Variants in MED15 observed in about 807,000 individuals in gnomAD.
The protein encoded by MED15 is mediator complex subunit 15.
MED15 carries 41 observed loss-of-function variants against 118.7 expected under a neutral mutation model. The ratio of observed to expected loss-of-function variants is 0.35; its 90% CI spans 0.27 to 0.45. The LOEUF (loss-of-function observed/expected upper bound fraction) is 0.45. MED15 is among the 20% of genes least tolerant of loss of function. The pLI is 1.00. For synonymous variants in MED15, 436 were observed against 413.9 expected (o/e 1.05, Z -0.65); for missense variants, 740 against 1,025.5 (o/e 0.72, Z 3.80).
At chr22:20,582,540 G>C (rs576759044) in intron 9 of MED15, 71 bp from the exon 10 acceptor site, 2 of 1,533,350 alleles carry the variant, frequency 1.3e-6, no homozygotes, top group Non-Finnish European at 1.7e-6. Flanking sequence ...CTATGCGTGC[G>C]GTGGGCAGGT....
chr22:20,512,812 G>C (rs566868034), intron 1 of MED15, among the ~76,000 whole-genome samples: 1 of 149,142 alleles, frequency 6.7e-6, no homozygotes, highest in East Asian at 2.0e-4. Flanking sequence ...GTGTGATCTC[G>C]GTTCCTTCAA....
At chr22:20,542,426 G>A (rs2055349274) in intron 2 of MED15, among the ~76,000 whole-genome samples, 1 of 152,180 alleles carries the variant, frequency 6.6e-6, no homozygotes, top group Non-Finnish European at 1.5e-5. Context: ...GCTACAACAT[G>A]GATGAAGCTA....
At chr22:20,571,813 G>A (rs969572628) in intron 8 of MED15, among the ~76,000 whole-genome samples, 13 of 152,226 alleles carry the variant, frequency 8.5e-5, no homozygotes, top group African/African-American at 3.1e-4. Flanking sequence ...TTAAAAGTAT[G>A]TGTGGTAACT....
chr22:20,569,727 A>C (rs965310221), intron 8 of MED15, among the ~76,000 whole-genome samples: 1 of 152,180 alleles, frequency 6.6e-6, no homozygotes, highest in East Asian at 1.9e-4. Flanking sequence ...TCCCCATGTC[A>C]CATTCTTACT....
intron 1 of MED15, among the ~76,000 whole-genome samples, chr22:20,531,210 T>C (rs2146416345): frequency 6.6e-6 from 1 of 152,306 alleles, no homozygotes; most frequent in Middle Eastern, 3.4e-3. Context: ...TTTTTTGCTT[T>C]ATCTTAGTCT....
chr22:20,584,896 G>A lies in MED15; in HGVS notation c.1845G>A (p.Gln615=), dbSNP rs2057088942. Reference sequence around the variant, plus strand: ...CCCCGGTGCCACCGACCAAACAGCAGTACCTATGCCAGCCGCTCCTGGATG... The same window carrying A: ...CCCCGGTGCCACCGACCAAACAGCAATACCTATGCCAGCCGCTCCTGGATG... ...PPPPVPPTKQ[Q]YLCQPLLDAV... Residue 615 remains glutamine, a synonymous_variant, in exon 15 of 18, where the codon CAG becomes CAA. Transcript: ENST00000263205. 6.2e-7 allele frequency: 1 copy of A among 1,613,706 alleles called. No individual in the cohort carries two copies.
At chr22:20,570,738 CTTTCTTTCTTTTTTTTTTTTT>C (rs2056623721) in intron 8 of MED15, among the ~76,000 whole-genome samples, 2 of 90,988 alleles carry the variant, frequency 2.2e-5, no homozygotes, top group Non-Finnish European at 4.2e-5. Flanking sequence ...TTCTTTCTTT[CTTTCTTTCTTTTTTTTTTTTT>C]TTTTTTTTTT....
chr22:20,521,182 T>C (rs560348426), intron 1 of MED15, among the ~76,000 whole-genome samples: 73 of 140,424 alleles, frequency 5.2e-4, no homozygotes, highest in African/African-American at 1.7e-3. Flanking sequence ...CTGCAACCTC[T>C]GCCTCCTAGG....
At chr22:20,582,373 G>A in intron 9 of MED15, 1 of 609,498 alleles carries the variant, frequency 1.6e-6, no homozygotes, top group Non-Finnish European at 2.8e-6. Flanking sequence ...GTGGGTCCCT[G>A]GCCAAGGAGC....
At chr22:20,556,301 A>C (rs1418516663) in intron 5 of MED15, among the ~76,000 whole-genome samples, 2 of 131,974 alleles carry the variant, frequency 1.5e-5, no homozygotes, top group Admixed American at 1.5e-4. Context: ...GGACTTCATC[A>C]GTTTTTTTTT....
At chr22:20,568,420 C>A (rs2056520678) in intron 7 of MED15, 101 bp from the exon 8 acceptor site, 1 of 1,497,836 alleles carries the variant, frequency 6.7e-7, no homozygotes, top group Non-Finnish European at 9.0e-7. Flanking sequence ...TCCCATTCCT[C>A]ACCTCAAGAA....
intron 5 of MED15, among the ~76,000 whole-genome samples, chr22:20,557,535 G>T (rs1423376441): frequency 6.6e-6 from 1 of 152,034 alleles, no homozygotes; most frequent in Non-Finnish European, 1.5e-5. Flanking sequence ...GCCGGCTCAA[G>T]TTCCTTGTCA....
chr22:20,509,534 C>G (rs1263312741), intron 1 of MED15, among the ~76,000 whole-genome samples: 1 of 149,846 alleles, frequency 6.7e-6, no homozygotes, highest in African/African-American at 2.5e-5. Flanking sequence ...AAGACAGATT[C>G]CAGAGGAGGG....
At chr22:20,521,936 G>C (rs2054478094) in intron 1 of MED15, 1 of 151,796 alleles carries the variant, frequency 6.6e-6, no homozygotes, top group Non-Finnish European at 1.5e-5. Flanking sequence ...ATGTTGGGCA[G>C]GCTGGTGTTG....
At position 20,575,249 on chromosome 22, in the gene MED15, G is replaced by A. The variant is rs774365510; in HGVS notation, c.1272+17G>A. 22 of 1,611,734 alleles carry A rather than the reference G, an allele frequency of 1.4e-5. No homozygotes were observed. The highest frequency in any genetic ancestry group is 6.7e-5 in the African/African-American group (5 of 74,916). ...ATGGCACAGGTATTTACGGGGCAGC[G>A]CCCAGGGCACGGCTGGGAGCTCGGG... On this transcript the variant is annotated intron_variant, in intron 9 of 17. Coordinates refer to ENST00000263205, the MANE Select transcript of MED15 (RefSeq NM_001003891.3).
chr22:20,577,904 A>T (rs2146652047), intron 9 of MED15, among the ~76,000 whole-genome samples: 1 of 152,122 alleles, frequency 6.6e-6, no homozygotes, highest in Admixed American at 6.6e-5. Flanking sequence ...TTGTTCTGTT[A>T]TTTTGTTGTC....
At chr22:20,517,993 G>C (rs896927175) in intron 1 of MED15, among the ~76,000 whole-genome samples, 3 of 149,490 alleles carry the variant, frequency 2.0e-5, no homozygotes, top group African/African-American at 5.0e-5. Context: ...TGTCTCAGGA[G>C]TGGGATTTGT....
intron 2 of MED15, among the ~76,000 whole-genome samples, chr22:20,539,015 T>C (rs1175507286): frequency 6.6e-6 from 1 of 152,114 alleles, no homozygotes; most frequent in African/African-American, 2.4e-5. Flanking sequence ...ACAATATATG[T>C]TTTTATTTTG....
At chr22:20,530,782 CAG>C (rs906947427) in intron 1 of MED15, among the ~76,000 whole-genome samples, 133 of 152,088 alleles carry the variant, frequency 8.7e-4, no homozygotes, top group African/African-American at 3.0e-3. Context: ...GAGCTGGCCT[CAG>C]GGTACACTGC....
Sources: gnomAD v4.1 joint callset for allele counts (sites outside exome capture counted in the v4.1 genomes callset) on GRCh38, gnomAD v4.1.1 for gene constraint, MANE v1.5 for transcripts, NCBI Gene and HGNC (gene_info 2026-07-23, HGNC 2026-07-21) for gene names.